BTG4: variants seen among roughly 807,000 people sequenced by gnomAD.
BTG4 encodes the protein protein BTG4.
A neutral mutation model predicts 19.3 loss-of-function variants in BTG4; 10 were observed. That is an observed-to-expected ratio of 0.52 (90% CI 0.32 to 0.88). The LOEUF (loss-of-function observed/expected upper bound fraction) is 0.88, where lower values mean the gene tolerates loss of function less well. BTG4 is among the 40% of genes least tolerant of loss of function. The probability of loss-of-function intolerance (pLI) is 0.04; values close to 1 mark genes in which losing one functional copy is unlikely to be tolerated. For synonymous variants in BTG4, 91 were observed against 95.7 expected, an observed-to-expected ratio of 0.95 and a Z score of 0.29; for missense variants, 238 against 281.9, an observed-to-expected ratio of 0.84 and a Z score of 1.11.
At chr11:111,511,189 G>A (rs1335248509) in intron 1 of BTG4, among the ~76,000 whole-genome samples, 9 of 152,114 alleles carry the variant, frequency 5.9e-5, no homozygotes, top group South Asian at 2.1e-4. Context: ...TTAATTCTAC[G>A]AGTTAATTTT....
the BTG4 span, chr11:111,455,448 G>A: frequency 1.3e-5 from 3 of 238,042 alleles, no homozygotes; most frequent in East Asian, 9.6e-5. Context: ...CCTGGCAGGC[G>A]AGTACGCAGC....
the BTG4 span, among the ~76,000 whole-genome samples, chr11:111,439,613 G>A: frequency 8.6e-5 from 13 of 151,890 alleles, no homozygotes; most frequent in East Asian, 1.2e-3. Flanking sequence ...TCCAGATGCC[G>A]TCCAGCCCCC....
At chr11:111,456,720 C>T in the BTG4 span, 2 of 338,308 alleles carry the variant, frequency 5.9e-6, no homozygotes, top group African/African-American at 2.1e-5. This position sits in a 1 kb window ranked among gnomAD's most constrained non-coding sequence, Gnocchi z 4.2. Context: ...CCCTGGTGCC[C>T]ACTATGGACA....
In BTG4 at chr11:111,486,420, G is replaced by C. The variant is rs557185956; in HGVS notation, c.662+8743C>G. On this transcript the variant is annotated intron_variant, in intron 5 of 5. Coordinates refer to the BTG4 transcript ENST00000356018. Reference sequence around the variant, plus strand: ...CCCCTGCACTCCAGCCTAGGTGATAGAGTAAGACCCTGCCTCCAAATAAAT... The same window carrying C: ...CCCCTGCACTCCAGCCTAGGTGATACAGTAAGACCCTGCCTCCAAATAAAT... 2.7e-3 allele frequency among the ~76,000 whole-genome samples: 404 copies of C among 152,276 alleles called. 3 individuals carry two copies. Among genetic ancestry groups the C allele is most frequent in the African/African-American group, 9.2e-3 (384 of 41,570 alleles).
At chr11:111,472,185 G>C (rs1417676933) in intron 5 of BTG4, among the ~76,000 whole-genome samples, 1 of 152,170 alleles carries the variant, frequency 6.6e-6, no homozygotes, top group East Asian at 1.9e-4. Context: ...TTTACTCAGA[G>C]CAAAAGCCAA....
the BTG4 span, among the ~76,000 whole-genome samples, chr11:111,436,821 T>TCGAG: frequency 6.6e-6 from 1 of 151,918 alleles, no homozygotes; most frequent in Non-Finnish European, 1.5e-5. Context: ...CAAGGCGCCC[T>TCGAG]CGAGCGAGCG....
At chr11:111,439,065 G>A in the BTG4 span, among the ~76,000 whole-genome samples, 1,701 of 152,324 alleles carry the variant, frequency 0.011, 29 homozygotes, top group African/African-American at 0.038. Context: ...CCACCCGCTG[G>A]GCAGCTAAGC....
chr11:111,446,988 T>C, the BTG4 span, among the ~76,000 whole-genome samples: 1 of 152,236 alleles, frequency 6.6e-6, no homozygotes, highest in African/African-American at 2.4e-5. Flanking sequence ...ATGTAGCTCC[T>C]GGAAGCTAAG....
chr11:111,475,894 C>CA (rs1267468629), intron 5 of BTG4, among the ~76,000 whole-genome samples: 1 of 152,116 alleles, frequency 6.6e-6, no homozygotes, highest in Non-Finnish European at 1.5e-5. Flanking sequence ...TCACATCTTA[C>CA]ATGGCAGCAG....
At chr11:111,417,451 G>C in the BTG4 span, 10 of 152,224 alleles carry the variant, frequency 6.6e-5, no homozygotes, top group African/African-American at 2.4e-4. Flanking sequence ...TGGGAGGAGG[G>C]GACCCTCCTC....
intron 1 of BTG4, among the ~76,000 whole-genome samples, chr11:111,510,681 GTTAT>G (rs1555121125): frequency 1.3e-5 from 2 of 150,754 alleles, no homozygotes; most frequent in Non-Finnish European, 3.0e-5. Context: ...ATTTTTTGTC[GTTAT>G]TTAAATTTTT....
the BTG4 span, among the ~76,000 whole-genome samples, chr11:111,391,524 C>G: frequency 1.3e-5 from 2 of 152,188 alleles, no homozygotes; most frequent in East Asian, 1.9e-4. Context: ...ACTTCTTCCT[C>G]CTCGCCATCC....
At chr11:111,513,183 G>C (rs1228315912), upstream of BTG4, among the ~76,000 whole-genome samples, 2 of 152,208 alleles carry the variant, frequency 1.3e-5, no homozygotes, top group East Asian at 3.9e-4. Context: ...TCCAGATACA[G>C]TTAAACTGTT....
At chr11:111,498,195 C>T in intron 2 of BTG4, 60 bp from the exon 3 acceptor site, 2 of 1,576,100 alleles carry the variant, frequency 1.3e-6, no homozygotes, top group South Asian at 1.1e-5. Flanking sequence ...AGGAGAATCA[C>T]ATTATGCACA....
At chr11:111,383,993 A>C in the BTG4 span, among the ~76,000 whole-genome samples, 5 of 152,162 alleles carry the variant, frequency 3.3e-5, no homozygotes, top group African/African-American at 9.7e-5. Context: ...TGATATTGTG[A>C]ATGGCATCTT....
At chr11:111,459,252 AT>A in the BTG4 span, among the ~76,000 whole-genome samples, 2 of 151,746 alleles carry the variant, frequency 1.3e-5, no homozygotes, top group Admixed American at 6.6e-5. Context: ...AAAAAAAAAA[AT>A]TGTGCATACT....
chr11:111,475,240 G>A (rs1864332155), intron 5 of BTG4: 1 of 152,366 alleles, frequency 6.6e-6, no homozygotes, highest in Non-Finnish European at 1.5e-5. Context: ...GTGTATCATA[G>A]TTTTAAGTGT....
chr11:111,502,457 T>C (rs1018987401), intron 1 of BTG4, among the ~76,000 whole-genome samples: 3 of 152,216 alleles, frequency 2.0e-5, no homozygotes, highest in African/African-American at 7.2e-5. Context: ...TTTAACAGAT[T>C]ATTAGGACAA....
At chr11:111,431,625 C>T in the BTG4 span, among the ~76,000 whole-genome samples, 1 of 152,176 alleles carries the variant, frequency 6.6e-6, no homozygotes, top group Non-Finnish European at 1.5e-5. Context: ...ATATACGGCC[C>T]ATCCTGTGCA....
Sources: allele counts gnomAD v4.1 joint callset (sites outside exome capture counted in the v4.1 genomes callset), GRCh38; gene constraint gnomAD v4.1.1; non-coding constraint Gnocchi (gnomAD v3.1); transcripts MANE v1.5; gene names NCBI Gene and HGNC (gene_info 2026-07-23, HGNC 2026-07-21).